The following SH3RF3 variants were observed in gnomAD, a reference collection of about 807,000 sequenced individuals.
The protein encoded by SH3RF3 is SH3 domain containing ring finger 3.
In SH3RF3, 29 loss-of-function variants were observed where a neutral mutation model predicts 66.3. The observed-to-expected ratio is 0.44, with a 90% confidence interval of 0.33 to 0.60. SH3RF3 has a LOEUF of 0.60. Ranked by LOEUF, SH3RF3 falls within the 20% of genes least tolerant of loss-of-function variation. The pLI is 0.04. For synonymous variants in SH3RF3, 583 were observed against 532.0 expected (o/e 1.10, Z -1.32); for missense variants, 1,194 against 1,190.9 (o/e 1.00, Z -0.04).
chr2:109,170,984 C>T (rs965997197), intron 1 of SH3RF3, among the ~76,000 whole-genome samples: 2 of 152,168 alleles, frequency 1.3e-5, no homozygotes, highest in African/African-American at 4.8e-5. Context: ...CAGGGCGCTC[C>T]CCACAGGAAC....
chr2:109,288,520 C>T (rs1351487933), intron 1 of SH3RF3, among the ~76,000 whole-genome samples: 1 of 152,210 alleles, frequency 6.6e-6, no homozygotes. Flanking sequence ...CCCCAGGTGA[C>T]CTCTCAAAAC....
intron 1 of SH3RF3, among the ~76,000 whole-genome samples, chr2:109,321,706 C>A (rs927757934): frequency 6.6e-6 from 1 of 152,224 alleles, no homozygotes; most frequent in Non-Finnish European, 1.5e-5. Context: ...CAACCCTGGC[C>A]CCCTGCCGTG....
At chr2:109,165,749 ATCCT>A (rs1222420360) in intron 1 of SH3RF3, among the ~76,000 whole-genome samples, 1 of 152,050 alleles carries the variant, frequency 6.6e-6, no homozygotes, top group African/African-American at 2.4e-5. Flanking sequence ...CCCCACTCAG[ATCCT>A]TCTTTTTTTT....
At chr2:109,265,899 C>G (rs1680478698) in intron 1 of SH3RF3, among the ~76,000 whole-genome samples, 1 of 152,152 alleles carries the variant, frequency 6.6e-6, no homozygotes, top group Non-Finnish European at 1.5e-5. Context: ...CCAGCTGTGC[C>G]CAGTCTGAAG....
At chr2:109,319,108 C>G (rs1007938680) in intron 1 of SH3RF3, among the ~76,000 whole-genome samples, 1 of 152,182 alleles carries the variant, frequency 6.6e-6, no homozygotes, top group African/African-American at 2.4e-5. Flanking sequence ...TTGTAGGTGT[C>G]TGCAGAAGAG....
At chr2:109,305,906 T>C (rs567554730) in intron 1 of SH3RF3, among the ~76,000 whole-genome samples, 2 of 152,360 alleles carry the variant, frequency 1.3e-5, no homozygotes, top group East Asian at 3.9e-4. Context: ...CCCTGAGCTC[T>C]GCCCTTTGGG....
chr2:109,321,306 A>G (rs990864182), intron 1 of SH3RF3, among the ~76,000 whole-genome samples: 1 of 152,222 alleles, frequency 6.6e-6, no homozygotes, highest in African/African-American at 2.4e-5. Context: ...AATTTAGTAA[A>G]TTGGTAGAGC....
chr2:109,372,506 C>T (rs1263724789), intron 3 of SH3RF3, among the ~76,000 whole-genome samples: 3 of 152,226 alleles, frequency 2.0e-5, no homozygotes, highest in African/African-American at 4.8e-5. Flanking sequence ...GTGTGCCAGA[C>T]ACTTGGAAGT....
At chr2:109,231,351 C>A (rs781462515) in intron 1 of SH3RF3, among the ~76,000 whole-genome samples, 1 of 152,180 alleles carries the variant, frequency 6.6e-6, no homozygotes, top group East Asian at 1.9e-4. Flanking sequence ...AAAATAACTC[C>A]CCTGGGAGAA....
Position 109,347,877 on chromosome 2 carries a change from C to G in SH3RF3, c.777C>G (p.Pro259=). 6.2e-7 allele frequency: 1 copy of G among 1,613,034 alleles called. No homozygotes were observed. The highest frequency in any genetic ancestry group is 8.5e-7 in the Non-Finnish European group (1 of 1,179,524). Residue 259 remains proline, a synonymous_variant, in exon 2 of 10, where the codon CCC becomes CCG. Transcript: ENST00000309415. The stretch of plus-strand genomic sequence containing the variant: ...TCCAGCCCTTGCCACACGCCCCGCC[C>G]CAGGGAAAAGCACTTTATGATTTCG... The part of the protein sequence containing the change: ...QCIQPLPHAP[P]QGKALYDFEM...
chr2:109,258,405 C>T (rs1430592112), intron 1 of SH3RF3, among the ~76,000 whole-genome samples: 3 of 152,190 alleles, frequency 2.0e-5, no homozygotes, highest in African/African-American at 7.2e-5. Context: ...GGGGTCTCTA[C>T]AGCTCAGAGC....
chr2:109,413,782 A>G (rs1449715187), intron 4 of SH3RF3, among the ~76,000 whole-genome samples: 1 of 152,220 alleles, frequency 6.6e-6, no homozygotes, highest in Non-Finnish European at 1.5e-5. Flanking sequence ...CTATGGCAGA[A>G]TGGGACAGAA....
At chr2:109,328,006 A>G (rs1192209649) in intron 1 of SH3RF3, among the ~76,000 whole-genome samples, 2 of 152,212 alleles carry the variant, frequency 1.3e-5, no homozygotes, top group Non-Finnish European at 2.9e-5. Flanking sequence ...TGCCAAGCTT[A>G]TTCCATATGT....
At chr2:109,146,893 C>A (rs1332194089) in intron 1 of SH3RF3, among the ~76,000 whole-genome samples, 3 of 96,864 alleles carry the variant, frequency 3.1e-5, no homozygotes, top group Admixed American at 2.3e-4. Flanking sequence ...CCTCCCCCCC[C>A]CCCCCCCCGC....
intron 3 of SH3RF3, among the ~76,000 whole-genome samples, chr2:109,386,898 C>T (rs952740896): frequency 4.6e-5 from 7 of 152,146 alleles, no homozygotes; most frequent in African/African-American, 1.4e-4. Flanking sequence ...CTGTCACTGC[C>T]GCAGCTCAGG....
At chr2:109,148,958 C>T (rs1460461883) in intron 1 of SH3RF3, among the ~76,000 whole-genome samples, 1 of 152,156 alleles carries the variant, frequency 6.6e-6, no homozygotes, top group Non-Finnish European at 1.5e-5. Context: ...CAGACAGAGC[C>T]CAGGCAAGCT....
intron 1 of SH3RF3, among the ~76,000 whole-genome samples, chr2:109,297,325 C>T (rs1396264324): frequency 6.6e-6 from 1 of 152,126 alleles, no homozygotes; most frequent in Non-Finnish European, 1.5e-5. Flanking sequence ...CGATGAGACC[C>T]TTTGCTCAGT....
intron 8 of SH3RF3, among the ~76,000 whole-genome samples, chr2:109,488,471 C>T (rs1026574593): frequency 2.6e-5 from 4 of 152,188 alleles, no homozygotes; most frequent in East Asian, 3.9e-4. Flanking sequence ...GAGGGGCTGA[C>T]GGGCCCAGCT....
chr2:109,333,836 TC>T (rs1254736228), intron 1 of SH3RF3, among the ~76,000 whole-genome samples: 2 of 152,154 alleles, frequency 1.3e-5, no homozygotes, highest in Non-Finnish European at 2.9e-5. Context: ...TAATAATATC[TC>T]CATTATAATA....
Sources: gnomAD v4.1 joint callset for allele counts (sites outside exome capture counted in the v4.1 genomes callset) on GRCh38, gnomAD v4.1.1 for gene constraint, MANE v1.5 for transcripts, NCBI Gene and HGNC (gene_info 2026-07-23, HGNC 2026-07-21) for gene names.